Variants in TMEM233 observed in about 807,000 individuals in gnomAD.
The protein encoded by TMEM233 is dispanin subfamily B member 2.
TMEM233 carries 6 observed loss-of-function variants against 11.2 expected under a neutral mutation model. The ratio of observed to expected loss-of-function variants is 0.54; its 90% CI spans 0.29 to 1.06. The LOEUF (loss-of-function observed/expected upper bound fraction) is 1.06. TMEM233 is among the 50% of genes least tolerant of loss of function. TMEM233 has a pLI of 0.08. For missense variants in TMEM233, 127 were observed against 144.7 expected (o/e 0.88, Z 0.63); for synonymous variants, 59 against 55.8 (o/e 1.06, Z -0.26).
chr12:119,609,867 T>TCCCC (rs1954360213), intron 1 of TMEM233, among the ~76,000 whole-genome samples: 1 of 152,188 alleles, frequency 6.6e-6, no homozygotes, highest in Non-Finnish European at 1.5e-5. Context: ...AAGGGAAATG[T>TCCCC]GGGGTCAGAG....
chr12:119,629,961 C>T, intron 2 of TMEM233, 89 bp downstream of exon 2: 2 of 1,367,258 alleles, frequency 1.5e-6, no homozygotes, highest in Non-Finnish European at 2.0e-6. Context: ...GGTTATGCTC[C>T]AGTAACAACC....
chr12:119,625,549 GTCT>G (rs1200998096), intron 1 of TMEM233, among the ~76,000 whole-genome samples: 1 of 151,854 alleles, frequency 6.6e-6, no homozygotes, highest in Non-Finnish European at 1.5e-5. Flanking sequence ...AATATTTCCA[GTCT>G]TCTTTGGGCT....
chr12:119,596,800 G>A (rs989034778), intron 1 of TMEM233, among the ~76,000 whole-genome samples: 4 of 152,094 alleles, frequency 2.6e-5, no homozygotes, highest in African/African-American at 9.7e-5. Flanking sequence ...GCCAAGTTTT[G>A]TACCTTTTTA....
intron 1 of TMEM233, among the ~76,000 whole-genome samples, chr12:119,621,444 A>G (rs980580270): frequency 6.6e-6 from 1 of 152,174 alleles, no homozygotes; most frequent in Non-Finnish European, 1.5e-5. Context: ...CAGCCTCCCA[A>G]AGTGCTGGGA....
At chr12:119,599,776 C>A (rs988771358) in intron 1 of TMEM233, among the ~76,000 whole-genome samples, 14 of 152,178 alleles carry the variant, frequency 9.2e-5, no homozygotes, top group African/African-American at 1.9e-4. Context: ...TACCACCCCA[C>A]ACAGCCAGGC....
chr12:119,628,060 C>T (rs966107331), intron 1 of TMEM233, among the ~76,000 whole-genome samples: 1 of 152,244 alleles, frequency 6.6e-6, no homozygotes, highest in African/African-American at 2.4e-5. Context: ...AACACGCTAC[C>T]TATGGGGTAG....
At chr12:119,626,213 T>G (rs1398957060) in intron 1 of TMEM233, among the ~76,000 whole-genome samples, 1 of 152,188 alleles carries the variant, frequency 6.6e-6, no homozygotes, top group Non-Finnish European at 1.5e-5. Context: ...GGCTCATGCC[T>G]GTAATCCCAA....
intron 1 of TMEM233, among the ~76,000 whole-genome samples, chr12:119,615,103 C>T (rs1048794191): frequency 6.9e-6 from 1 of 145,978 alleles, no homozygotes; most frequent in African/African-American, 2.5e-5. Context: ...GCCAGGCATC[C>T]TCTCCCCACT....
chr12:119,628,492 C>CTTTTTT (rs60789807), intron 1 of TMEM233, among the ~76,000 whole-genome samples: 7 of 52,414 alleles, frequency 1.3e-4, no homozygotes, highest in African/African-American at 2.5e-4. Flanking sequence ...CCAGCTCACT[C>CTTTTTT]TTTTTTTTTT....
At position 119,640,856 on chromosome 12, in the gene TMEM233, G is replaced by GAAAAAAAA. The variant is rs56347532; in HGVS notation, c.*161_*168dup. ...AGGCAGGTCCCTGGCAAATGAACAA[G>GAAAAAAAA]AAAAAAAAAAAAAAAAAGTCCAAAA... On this transcript the variant is annotated 3_prime_UTR_variant, in exon 3 of 3. Coordinates refer to ENST00000426426, the MANE Select transcript of TMEM233 (RefSeq NM_001136534.3). 14 of 394,476 alleles carry GAAAAAAAA rather than the reference G, an allele frequency of 3.5e-5. No individual in the cohort carries two copies. The highest frequency in any genetic ancestry group is 1.3e-4 in the South Asian group (1 of 7,846). 24.4% of individuals were successfully genotyped at this position (394,476 alleles called of 1,614,324 possible).
downstream of TMEM233, among the ~76,000 whole-genome samples, chr12:119,645,144 T>C (rs1955134538): frequency 6.6e-6 from 1 of 152,090 alleles, no homozygotes; most frequent in South Asian, 2.1e-4. Context: ...CCACAAGTTA[T>C]GGGCAGAAAC....
chr12:119,622,653 C>T (rs1193164629), intron 1 of TMEM233, among the ~76,000 whole-genome samples: 3 of 152,098 alleles, frequency 2.0e-5, no homozygotes, highest in Non-Finnish European at 4.4e-5. Context: ...TGTTAGTTCT[C>T]TACCCTTAAG....
chr12:119,642,577 C>T lies in TMEM233; in HGVS notation c.*1872C>T, dbSNP rs1955099252. The T allele has an allele frequency of 6.6e-6, 1 of 152,042 alleles. No homozygotes were observed. Among genetic ancestry groups the T allele is most frequent in the Non-Finnish European group, 1.5e-5 (1 of 67,992 alleles). The allele number at this position is 152,042 out of a possible 1,614,324, so 9.4% of individuals were successfully genotyped here. A position where few individuals can be genotyped will look rare whatever the true frequency, so the allele number is the denominator to read the frequency against. On this transcript the variant is annotated 3_prime_UTR_variant, in exon 3 of 3. Transcript: ENST00000426426. ...TTGTTTTTGCAGGGTTTTTATTGGC[C>T]ACTAACTAGCTATGCAAGCTGATTT... is the stretch of plus-strand genomic sequence containing the variant.
intron 1 of TMEM233, among the ~76,000 whole-genome samples, chr12:119,628,648 C>T (rs1166828606): frequency 6.6e-6 from 1 of 151,712 alleles, no homozygotes; most frequent in Non-Finnish European, 1.5e-5. Flanking sequence ...TATAGGCGCC[C>T]GCCACCACGC....
Position 119,594,164 on chromosome 12 carries a change from C to T in TMEM233, c.186+130C>T, listed in dbSNP as rs1251704728. 5.9e-6 allele frequency: 5 copies of T among 854,556 alleles called. No homozygotes were observed. The East Asian group carries it at 1.3e-4, about 23-fold the overall frequency. The allele number at this position is 854,556 out of a possible 1,614,324, so 52.9% of individuals were successfully genotyped here. On this transcript the variant is annotated intron_variant, in intron 1 of 2. Coordinates refer to ENST00000426426, the MANE Select transcript of TMEM233 (RefSeq NM_001136534.3). This position sits in a 1 kb window ranked among gnomAD's most constrained non-coding sequence, Gnocchi z 5.6. ...CGGCCCGCGCTAGGTGTTCTTTGTCCTCGCACCTCCTCCTCACCTTTCTCG... is the reference window on the plus strand; with the variant it reads ...CGGCCCGCGCTAGGTGTTCTTTGTCTTCGCACCTCCTCCTCACCTTTCTCG...
At chr12:119,636,098 C>T (rs1433647856) in intron 2 of TMEM233, among the ~76,000 whole-genome samples, 1 of 152,090 alleles carries the variant, frequency 6.6e-6, no homozygotes, top group Non-Finnish European at 1.5e-5. Flanking sequence ...CCCTGGAGTC[C>T]AGGGGGTGGG....
At chr12:119,603,069 A>T (rs1038009871) in intron 1 of TMEM233, among the ~76,000 whole-genome samples, 3 of 152,110 alleles carry the variant, frequency 2.0e-5, no homozygotes, top group African/African-American at 7.2e-5. Context: ...AACCTGGGTA[A>T]CATGATAAAA....
chr12:119,626,193 C>T (rs957874930), intron 1 of TMEM233, among the ~76,000 whole-genome samples: 14 of 152,070 alleles, frequency 9.2e-5, no homozygotes, highest in African/African-American at 3.4e-4. Context: ...TACATAGGGC[C>T]AGGTGCAGTG....
At chr12:119,618,526 G>C (rs1448319922) in intron 1 of TMEM233, among the ~76,000 whole-genome samples, 1 of 152,212 alleles carries the variant, frequency 6.6e-6, no homozygotes, top group African/African-American at 2.4e-5. Flanking sequence ...AAAGCCACAG[G>C]GGTGGAGTTG....
Sources: allele counts gnomAD v4.1 joint callset (sites outside exome capture counted in the v4.1 genomes callset), GRCh38; gene constraint gnomAD v4.1.1; non-coding constraint Gnocchi (gnomAD v3.1); transcripts MANE v1.5; gene names NCBI Gene and HGNC (gene_info 2026-07-23, HGNC 2026-07-21).